KCNIP1: variants seen among roughly 807,000 people sequenced by gnomAD.
The protein encoded by KCNIP1 is A-type potassium channel modulatory protein KCNIP1.
A neutral mutation model predicts 33.0 loss-of-function variants in KCNIP1; 18 were observed. That is an observed-to-expected ratio of 0.55 (90% CI 0.38 to 0.81). KCNIP1 has a LOEUF of 0.81. Among genes scored for constraint, KCNIP1 ranks in the 30% least tolerant of loss-of-function variants. KCNIP1 has a pLI of 0.00. For missense variants in KCNIP1, 238 were observed against 271.6 expected (o/e 0.88, Z 0.87); for synonymous variants, 93 against 98.3 (o/e 0.95, Z 0.32).
intron 1 of KCNIP1, among the ~76,000 whole-genome samples, chr5:170,605,685 G>A (rs1318317572): frequency 6.6e-6 from 1 of 151,920 alleles, no homozygotes; most frequent in African/African-American, 2.4e-5. Flanking sequence ...GCAATATGTG[G>A]CCTTTTGTGC....
chr5:170,517,780 TG>T (rs1755194971), intron 1 of KCNIP1, among the ~76,000 whole-genome samples: 3 of 144,346 alleles, frequency 2.1e-5, no homozygotes, highest in Admixed American at 6.8e-5. Flanking sequence ...ATGGTGGTGG[TG>T]GTAGTGATGA....
At chr5:170,588,787 G>C (rs1247665604) in intron 1 of KCNIP1, among the ~76,000 whole-genome samples, 3 of 152,212 alleles carry the variant, frequency 2.0e-5, no homozygotes, top group East Asian at 1.9e-4. Flanking sequence ...GGTCAGTGAG[G>C]GGGGAAAAGG....
At chr5:170,602,772 A>T (rs1758745174) in intron 1 of KCNIP1, among the ~76,000 whole-genome samples, 5 of 152,144 alleles carry the variant, frequency 3.3e-5, no homozygotes, top group Admixed American at 3.3e-4. Flanking sequence ...ATGGGTCTCC[A>T]TATTTACAGG....
At chr5:170,411,130 T>C (rs965213056) in intron 1 of KCNIP1, among the ~76,000 whole-genome samples, 2 of 152,246 alleles carry the variant, frequency 1.3e-5, no homozygotes, top group African/African-American at 4.8e-5. Context: ...ACATATCATG[T>C]GGCCAAGATG....
At chr5:170,624,738 GGGAGA>G (rs1759754674) in intron 1 of KCNIP1, among the ~76,000 whole-genome samples, 2 of 116,876 alleles carry the variant, frequency 1.7e-5, no homozygotes, top group African/African-American at 6.4e-5. Flanking sequence ...GAGGTGGGGG[GGGAGA>G]GGGGAGGGGA....
At chr5:170,599,413 C>T (rs1235715144) in intron 1 of KCNIP1, among the ~76,000 whole-genome samples, 2 of 152,126 alleles carry the variant, frequency 1.3e-5, no homozygotes, top group East Asian at 3.9e-4. Flanking sequence ...TTTAGTTTTC[C>T]CACATCTCAA....
intron 1 of KCNIP1, among the ~76,000 whole-genome samples, chr5:170,623,621 C>A (rs572377341): frequency 4.1e-4 from 63 of 152,142 alleles, no homozygotes; most frequent in African/African-American, 1.5e-3. Context: ...GAAACCGATG[C>A]GAAAAGTGCT....
chr5:170,641,566 C>T (rs1760560433), intron 1 of KCNIP1, among the ~76,000 whole-genome samples: 1 of 152,176 alleles, frequency 6.6e-6, no homozygotes, highest in East Asian at 1.9e-4. Context: ...GCCTCTCAAC[C>T]CTCTGCTGGG....
At chr5:170,671,205 C>T (rs1761908169) in intron 1 of KCNIP1, among the ~76,000 whole-genome samples, 1 of 152,156 alleles carries the variant, frequency 6.6e-6, no homozygotes, top group Non-Finnish European at 1.5e-5. Context: ...TAGACAAATC[C>T]TTAACACGGT....
intron 1 of KCNIP1, among the ~76,000 whole-genome samples, chr5:170,506,628 G>C (rs1754729395): frequency 6.6e-6 from 1 of 152,162 alleles, no homozygotes; most frequent in Non-Finnish European, 1.5e-5. Context: ...AACAGAAGAG[G>C]GGGTACTGGC....
intron 1 of KCNIP1, among the ~76,000 whole-genome samples, chr5:170,534,929 G>A (rs1340131636): frequency 6.6e-6 from 1 of 151,984 alleles, no homozygotes; most frequent in Non-Finnish European, 1.5e-5. Context: ...GGGCTGTGCT[G>A]GTTGCCTCGG....
intron 1 of KCNIP1, among the ~76,000 whole-genome samples, chr5:170,399,390 C>T (rs1158330029): frequency 6.6e-6 from 1 of 152,176 alleles, no homozygotes; most frequent in Non-Finnish European, 1.5e-5. Context: ...TCACTCTAGT[C>T]GCATTTTATT....
intron 1 of KCNIP1, among the ~76,000 whole-genome samples, chr5:170,514,835 TAAC>T (rs1755065901): frequency 6.6e-6 from 1 of 152,160 alleles, no homozygotes; most frequent in Non-Finnish European, 1.5e-5. Context: ...GTTGACAAAA[TAAC>T]AACAGTAACA....
At chr5:170,677,199 G>A (rs1390106618) in intron 1 of KCNIP1, among the ~76,000 whole-genome samples, 1 of 152,134 alleles carries the variant, frequency 6.6e-6, no homozygotes, top group Non-Finnish European at 1.5e-5. Flanking sequence ...AGTACATACT[G>A]TGAATGTCTC....
At chr5:170,527,743 C>A (rs185266636) in intron 1 of KCNIP1, among the ~76,000 whole-genome samples, 2 of 148,726 alleles carry the variant, frequency 1.3e-5, no homozygotes, top group South Asian at 4.7e-4. Context: ...CACAGTTACA[C>A]GCTCACAGGC....
At chr5:170,483,005 A>G (rs1249904576) in intron 1 of KCNIP1, 1 of 436,928 alleles carries the variant, frequency 2.3e-6, no homozygotes, top group African/African-American at 2.1e-5. Flanking sequence ...TAAATTTTAA[A>G]TTAAAGTATG....
chr5:170,495,898 C>T (rs927773300), intron 1 of KCNIP1, among the ~76,000 whole-genome samples: 2 of 152,206 alleles, frequency 1.3e-5, no homozygotes, highest in African/African-American at 4.8e-5. Context: ...TTCCTTCCTC[C>T]TTCCCTCTTC....
intron 1 of KCNIP1, among the ~76,000 whole-genome samples, chr5:170,523,536 A>G: frequency 6.6e-6 from 1 of 152,158 alleles, no homozygotes; most frequent in East Asian, 1.9e-4. Context: ...TGGCTGGGCC[A>G]GGACATGGCA....
At chr5:170,409,868 G>A (rs1755135987) in intron 1 of KCNIP1, among the ~76,000 whole-genome samples, 2 of 152,222 alleles carry the variant, frequency 1.3e-5, no homozygotes, top group African/African-American at 4.8e-5. Flanking sequence ...GGGTTGTCAT[G>A]AGCATTCAAG....
Sources: gnomAD v4.1 joint callset for allele counts (sites outside exome capture counted in the v4.1 genomes callset) on GRCh38, gnomAD v4.1.1 for gene constraint, MANE v1.5 for transcripts, NCBI Gene and HGNC (gene_info 2026-07-23, HGNC 2026-07-21) for gene names.